PTPRM: variants seen among roughly 807,000 people sequenced by gnomAD.
The protein encoded by PTPRM is protein tyrosine phosphatase receptor type M.
Under a neutral mutation model 186.7 loss-of-function variants are expected in PTPRM, and 47 were observed. That is an observed-to-expected ratio of 0.25 (90% CI 0.20 to 0.32). The LOEUF is 0.32. Ranked by LOEUF, PTPRM falls within the 10% of genes least tolerant of loss-of-function variation. PTPRM has a pLI of 1.00. For missense variants in PTPRM, 1,494 were observed against 1,865.0 expected (o/e 0.80, Z 3.66); for synonymous variants, 668 against 674.9 (o/e 0.99, Z 0.16).
intron 14 of PTPRM, among the ~76,000 whole-genome samples, chr18:8,187,726 G>C (rs2093661386): frequency 6.6e-6 from 1 of 152,222 alleles, no homozygotes; most frequent in African/African-American, 2.4e-5. Context: ...GATAGAGCCA[G>C]CTGTACAGGA....
chr18:7,616,935 T>C (rs1435041412), intron 1 of PTPRM, among the ~76,000 whole-genome samples: 1 of 152,098 alleles, frequency 6.6e-6, no homozygotes, highest in Non-Finnish European at 1.5e-5. Context: ...GTGGCTGGGC[T>C]GGGGTGGGTT....
At chr18:7,912,463 T>C (rs2050324398) in intron 4 of PTPRM, among the ~76,000 whole-genome samples, 1 of 152,180 alleles carries the variant, frequency 6.6e-6, no homozygotes, top group Admixed American at 6.6e-5. Flanking sequence ...CAGTGGGTCT[T>C]CCAAGTTTGT....
At chr18:8,289,514 G>GTA (rs201077271) in intron 19 of PTPRM, among the ~76,000 whole-genome samples, 11,670 of 89,570 alleles carry the variant, frequency 0.13, 1,401 homozygotes, top group African/African-American at 0.29. Context: ...GTGTGTGTAT[G>GTA]TATATATATA....
intron 7 of PTPRM, among the ~76,000 whole-genome samples, chr18:7,956,660 T>C (rs1284020790): frequency 1.3e-5 from 2 of 152,224 alleles, no homozygotes; most frequent in African/African-American, 4.8e-5. Context: ...GATTTGGTGA[T>C]TCCCACAGCC....
chr18:7,864,492 A>G (rs2047570906), intron 2 of PTPRM, among the ~76,000 whole-genome samples: 2 of 152,186 alleles, frequency 1.3e-5, no homozygotes, highest in Non-Finnish European at 1.5e-5. Context: ...GGTTTGTCAA[A>G]GATCAGATGG....
intron 1 of PTPRM, among the ~76,000 whole-genome samples, chr18:7,710,765 G>A (rs2040195038): frequency 6.6e-6 from 1 of 152,030 alleles, no homozygotes; most frequent in Non-Finnish European, 1.5e-5. Context: ...ATCAAGCTGA[G>A]AATAACATCA....
intron 19 of PTPRM, among the ~76,000 whole-genome samples, chr18:8,282,073 CT>C (rs1321950847): frequency 1.3e-5 from 2 of 151,912 alleles, no homozygotes; most frequent in Non-Finnish European, 2.9e-5. Flanking sequence ...ATAAAGAATT[CT>C]AAAAATTTAG....
chr18:8,114,694 C>T (rs1218537782), intron 12 of PTPRM, 97 bp from the exon 13 acceptor site: 2 of 958,632 alleles, frequency 2.1e-6, no homozygotes, highest in Non-Finnish European at 3.2e-6. Flanking sequence ...CAGTGAGATC[C>T]TTCCTTATCA....
At chr18:7,880,429 T>C (rs1158272164) in intron 2 of PTPRM, among the ~76,000 whole-genome samples, 1 of 152,194 alleles carries the variant, frequency 6.6e-6, no homozygotes, top group Non-Finnish European at 1.5e-5. Flanking sequence ...AGAAAATGTG[T>C]CATTTGGGAG....
At chr18:7,604,623 C>T (rs2037486013) in intron 1 of PTPRM, among the ~76,000 whole-genome samples, 1 of 152,198 alleles carries the variant, frequency 6.6e-6, no homozygotes, top group Non-Finnish European at 1.5e-5. Flanking sequence ...AATGCGTGTA[C>T]TCAGAAGGAG....
At chr18:8,160,152 G>A (rs978374966) in intron 14 of PTPRM, among the ~76,000 whole-genome samples, 1 of 151,892 alleles carries the variant, frequency 6.6e-6, no homozygotes, top group African/African-American at 2.4e-5. Context: ...TTTATAAATC[G>A]TGTATTCCAT....
chr18:8,126,027 A>ATATTTTTTTTTTTTT (rs57751538), intron 13 of PTPRM, among the ~76,000 whole-genome samples: 5 of 69,528 alleles, frequency 7.2e-5, no homozygotes, highest in Non-Finnish European at 8.5e-5. Context: ...ATATATATAT[A>ATATTTTTTTTTTTTT]TTTTAAATCA....
intron 7 of PTPRM, among the ~76,000 whole-genome samples, chr18:8,038,417 A>G (rs1348139610): frequency 7.8e-5 from 11 of 140,670 alleles, no homozygotes; most frequent in Admixed American, 6.0e-4. Flanking sequence ...TTTGAGACAG[A>G]GTCTCACTCT....
chr18:8,256,337 T>A (rs935554319), intron 19 of PTPRM, among the ~76,000 whole-genome samples: 3 of 152,234 alleles, frequency 2.0e-5, no homozygotes, highest in African/African-American at 7.2e-5. Flanking sequence ...GCAAGTTATC[T>A]AACCTCTCTG....
chr18:7,840,085 G>A (rs1326747673), intron 2 of PTPRM, among the ~76,000 whole-genome samples: 2 of 139,842 alleles, frequency 1.4e-5, no homozygotes. Context: ...GTGGGGTGGA[G>A]GTGGGGGGGG....
intron 2 of PTPRM, among the ~76,000 whole-genome samples, chr18:7,862,343 GACA>G (rs558665746): frequency 2.2e-4 from 34 of 152,236 alleles, no homozygotes; most frequent in Non-Finnish European, 4.1e-4. Flanking sequence ...TTTTAGTGAT[GACA>G]ACGTCACAAA....
At chr18:8,022,246 G>C (rs1370347375) in intron 7 of PTPRM, among the ~76,000 whole-genome samples, 1 of 152,064 alleles carries the variant, frequency 6.6e-6, no homozygotes, top group Non-Finnish European at 1.5e-5. Flanking sequence ...TAGAAGAGAG[G>C]ACCACTTCAA....
intron 2 of PTPRM, among the ~76,000 whole-genome samples, chr18:7,842,478 C>T (rs890168889): frequency 4.6e-5 from 7 of 152,074 alleles, no homozygotes; most frequent in African/African-American, 1.7e-4. Flanking sequence ...AAACAGAAGT[C>T]CAGACGTTGC....
intron 2 of PTPRM, among the ~76,000 whole-genome samples, chr18:7,845,268 G>C (rs2046535168): frequency 6.6e-6 from 1 of 152,106 alleles, no homozygotes; most frequent in South Asian, 2.1e-4. Flanking sequence ...TGAGAATATG[G>C]CTTTAATTGT....
Sources: gnomAD v4.1 joint callset for allele counts (sites outside exome capture counted in the v4.1 genomes callset) on GRCh38, gnomAD v4.1.1 for gene constraint, MANE v1.5 for transcripts, NCBI Gene and HGNC (gene_info 2026-07-23, HGNC 2026-07-21) for gene names.